The following GALNT13 variants were observed in gnomAD, a reference collection of about 807,000 sequenced individuals.
The protein encoded by GALNT13 is UDP-GalNAc:polypeptide N-acetylgalactosaminyltransferase 13.
In GALNT13, 28 loss-of-function variants were observed where a neutral mutation model predicts 64.2. The observed-to-expected ratio is 0.44, with a 90% CI of 0.32 to 0.60. The LOEUF (loss-of-function observed/expected upper bound fraction) is 0.60. GALNT13 is among the 20% of genes least tolerant of loss of function. GALNT13 has a pLI of 0.05. For synonymous variants in GALNT13, 214 were observed against 224.6 expected (o/e 0.95, Z 0.42); for missense variants, 577 against 669.8 (o/e 0.86, Z 1.53).
chr2:153,625,896 T>C, the GALNT13 span, among the ~76,000 whole-genome samples: 1 of 152,028 alleles, frequency 6.6e-6, no homozygotes. Flanking sequence ...TGAGAAATGT[T>C]ATTGTTCATT....
intron 9 of GALNT13, among the ~76,000 whole-genome samples, chr2:154,311,780 C>G (rs1395036934): frequency 0.02 from 2,625 of 129,654 alleles, no homozygotes; most frequent in African/African-American, 0.031. Flanking sequence ...AGTTCAGAGA[C>G]CTACCCCTAG....
chr2:154,135,847 A>T (rs891279353), intron 3 of GALNT13, among the ~76,000 whole-genome samples: 1 of 152,180 alleles, frequency 6.6e-6, no homozygotes, highest in Non-Finnish European at 1.5e-5. Context: ...CAATGAAAAA[A>T]GCAATTACTC....
the GALNT13 span, among the ~76,000 whole-genome samples, chr2:153,371,967 G>T: frequency 6.6e-6 from 1 of 152,128 alleles, no homozygotes; most frequent in Admixed American, 6.5e-5. Context: ...TTTGTTGGAA[G>T]GCTCACACAC....
intron 9 of GALNT13, among the ~76,000 whole-genome samples, chr2:154,393,041 A>G (rs1698870011): frequency 6.6e-6 from 1 of 152,240 alleles, no homozygotes; most frequent in African/African-American, 2.4e-5. Context: ...TGAAATGAAG[A>G]ACCTTGGAGA....
At chr2:154,122,817 T>C (rs1682029801) in intron 3 of GALNT13, among the ~76,000 whole-genome samples, 1 of 152,036 alleles carries the variant, frequency 6.6e-6, no homozygotes, top group Non-Finnish European at 1.5e-5. Context: ...TTTCTCAAAC[T>C]ACAGATCTAA....
chr2:154,050,905 T>C lies in GALNT13; in HGVS notation c.143-89432T>C, dbSNP rs183626234. The stretch of plus-strand genomic sequence containing the variant: ...ATTAAAAGAAATTAACCACATGCCA[T>C]TTGTTTCACGAACCAAAGCTGAGTA... On this transcript the variant is annotated intron_variant, in intron 3 of 12. Coordinates refer to ENST00000392825, the MANE Select transcript of GALNT13 (RefSeq NM_052917.4). 1.3e-3 allele frequency among the ~76,000 whole-genome samples: 203 copies of C among 152,308 alleles called. 2 individuals carry two copies. The highest frequency in any genetic ancestry group is 9.1e-3 in the East Asian group (47 of 5,170).
the GALNT13 span, among the ~76,000 whole-genome samples, chr2:153,399,714 G>C: frequency 6.6e-6 from 1 of 151,950 alleles, no homozygotes; most frequent in Admixed American, 6.6e-5. Context: ...CTCATGATTT[G>C]GCTCTCTGTT....
chr2:154,128,683 CTG>C (rs1414252117), intron 3 of GALNT13, among the ~76,000 whole-genome samples: 1 of 152,004 alleles, frequency 6.6e-6, no homozygotes, highest in Non-Finnish European at 1.5e-5. Flanking sequence ...CTGAGGTTAA[CTG>C]TTAGTTTTGG....
chr2:153,843,942 C>A, the GALNT13 span, among the ~76,000 whole-genome samples: 30 of 152,330 alleles, frequency 2.0e-4, no homozygotes, highest in Admixed American at 3.3e-4. Flanking sequence ...GGCAGCTGTG[C>A]CCCTGTGGCT....
At chr2:153,282,173 T>C in the GALNT13 span, among the ~76,000 whole-genome samples, 5 of 152,184 alleles carry the variant, frequency 3.3e-5, no homozygotes, top group Non-Finnish European at 7.3e-5. Context: ...TTCAGTCTAT[T>C]GATAAAGGTT....
At chr2:153,975,634 CA>C (rs1470839107) in intron 3 of GALNT13, among the ~76,000 whole-genome samples, 1 of 151,938 alleles carries the variant, frequency 6.6e-6, no homozygotes, top group Non-Finnish European at 1.5e-5. Flanking sequence ...AAAAAAATAA[CA>C]ATTCTTCTTA....
the GALNT13 span, among the ~76,000 whole-genome samples, chr2:153,385,506 T>C: frequency 6.6e-6 from 1 of 152,024 alleles, no homozygotes; most frequent in East Asian, 1.9e-4. Context: ...CTCATGGGGA[T>C]AGAGAGTAGA....
At chr2:153,328,711 T>A in the GALNT13 span, among the ~76,000 whole-genome samples, 1 of 152,266 alleles carries the variant, frequency 6.6e-6, no homozygotes, top group Middle Eastern at 3.4e-3. Flanking sequence ...GCAGCGAGAA[T>A]GGCAAGCTGG....
At chr2:153,477,592 C>T in the GALNT13 span, 11,776 of 139,158 alleles carry the variant, frequency 0.085, 544 homozygotes, top group South Asian at 0.16. Context: ...CACCCCTTCT[C>T]CCACAATGAC....
the GALNT13 span, among the ~76,000 whole-genome samples, chr2:153,819,852 T>C: frequency 6.6e-6 from 1 of 152,150 alleles, no homozygotes; most frequent in South Asian, 2.1e-4. Context: ...TCATGAAGAA[T>C]CTGAATGTTG....
intron 3 of GALNT13, among the ~76,000 whole-genome samples, chr2:153,950,605 A>C (rs1258166967): frequency 6.6e-6 from 1 of 152,128 alleles, no homozygotes; most frequent in Non-Finnish European, 1.5e-5. Flanking sequence ...TAAACAAAAT[A>C]TCCATAGCAC....
chr2:154,352,137 T>C (rs1387500611), intron 9 of GALNT13, among the ~76,000 whole-genome samples: 1 of 152,346 alleles, frequency 6.6e-6, no homozygotes, highest in African/African-American at 2.4e-5. Context: ...ACCAAAAAAT[T>C]AGTATCCCTT....
Position 154,351,682 on chromosome 2 carries a change from C to CAAAAAAAAAAA in GALNT13, c.1157-44281_1157-44271dup. Among the ~76,000 whole-genome samples the CAAAAAAAAAAA allele has an allele frequency of 1.5e-3, 65 of 44,686 alleles. 13 individuals are homozygous for CAAAAAAAAAAA. Among genetic ancestry groups the CAAAAAAAAAAA allele is most frequent in the Admixed American group, 2.0e-3 (5 of 2,540 alleles). 29.3% of individuals were successfully genotyped at this position (44,686 alleles called of 152,430 possible). A position where few individuals can be genotyped will look rare whatever the true frequency, so the allele number is the denominator to read the frequency against. On this transcript the variant is annotated intron_variant, in intron 9 of 12. Coordinates refer to ENST00000392825, the MANE Select transcript of GALNT13 (RefSeq NM_052917.4). ...TGGGCGACAAAGCGAGACTCCGTCT[C>CAAAAAAAAAAA]AAAAAAAAAAAAAAAAAAAAAAAAA...
chr2:153,531,059 C>T, the GALNT13 span, among the ~76,000 whole-genome samples: 4 of 152,174 alleles, frequency 2.6e-5, no homozygotes, highest in Non-Finnish European at 4.4e-5. Context: ...AGTTAAAAAA[C>T]TTCTGTATAG....
Sources: allele counts gnomAD v4.1 joint callset (sites outside exome capture counted in the v4.1 genomes callset), GRCh38; gene constraint gnomAD v4.1.1; transcripts MANE v1.5; gene names NCBI Gene and HGNC (gene_info 2026-07-23, HGNC 2026-07-21).